Variants in CDH13 observed in about 807,000 individuals in gnomAD.
CDH13 encodes the protein cadherin-13.
CDH13 carries 24 observed loss-of-function variants against 63.8 expected under a neutral mutation model. That is an observed-to-expected ratio of 0.38 (90% CI 0.27 to 0.53). The LOEUF (loss-of-function observed/expected upper bound fraction) is 0.53, where lower values mean the gene tolerates loss of function less well. Among genes scored for constraint, CDH13 ranks in the 20% least tolerant of loss-of-function variants. The pLI, the probability that CDH13 is intolerant of heterozygous loss-of-function variation, is 0.85. For synonymous variants in CDH13, 503 were observed against 355.3 expected (o/e 1.42, Z -4.67); for missense variants, 1,049 against 903.1 (o/e 1.16, Z -2.07).
intron 6 of CDH13, among the ~76,000 whole-genome samples, chr16:83,428,962 C>A (rs547567579): frequency 6.6e-6 from 1 of 152,374 alleles, no homozygotes; most frequent in African/African-American, 2.4e-5. Context: ...TCGGTCATCA[C>A]TTTCCCTGTC....
intron 11 of CDH13, among the ~76,000 whole-genome samples, chr16:83,752,814 C>T (rs1220211340): frequency 6.6e-6 from 1 of 152,190 alleles, no homozygotes; most frequent in East Asian, 1.9e-4. Context: ...TCTAGATTCT[C>T]CATCAAAAGC....
intron 8 of CDH13, among the ~76,000 whole-genome samples, chr16:83,629,446 T>C (rs1034161594): frequency 1.3e-5 from 2 of 152,218 alleles, no homozygotes; most frequent in Non-Finnish European, 2.9e-5. Context: ...CAAATTTTAA[T>C]GCTACTATTA....
chr16:82,749,085 G>A (rs1377702881), intron 1 of CDH13, among the ~76,000 whole-genome samples: 1 of 151,858 alleles, frequency 6.6e-6, no homozygotes, highest in Non-Finnish European at 1.5e-5. Flanking sequence ...TGGAATTGTG[G>A]GGTCCAATTT....
chr16:83,768,678 G>A (rs1326654718), intron 11 of CDH13, among the ~76,000 whole-genome samples: 1 of 152,146 alleles, frequency 6.6e-6, no homozygotes, highest in Non-Finnish European at 1.5e-5. Flanking sequence ...GCTAAACAAA[G>A]GGTGAATTAT....
chr16:83,625,861 G>T (rs954827048), intron 8 of CDH13, among the ~76,000 whole-genome samples: 1 of 152,270 alleles, frequency 6.6e-6, no homozygotes, highest in East Asian at 1.9e-4. Flanking sequence ...TAAGCCACGC[G>T]GTAGCCAGAG....
chr16:82,966,091 G>GT (rs1255320239), intron 2 of CDH13, among the ~76,000 whole-genome samples: 1 of 152,198 alleles, frequency 6.6e-6, no homozygotes, highest in Non-Finnish European at 1.5e-5. Flanking sequence ...TTTCCTCATA[G>GT]TAACTACGTT....
intron 2 of CDH13, among the ~76,000 whole-genome samples, chr16:83,000,992 C>T (rs931984235): frequency 3.3e-5 from 5 of 152,210 alleles, no homozygotes; most frequent in African/African-American, 1.2e-4. Context: ...TTCCAAACCT[C>T]AGCTGATTTT....
At chr16:82,847,409 A>G (rs2039307687) in intron 1 of CDH13, among the ~76,000 whole-genome samples, 1 of 152,196 alleles carries the variant, frequency 6.6e-6, no homozygotes, top group Non-Finnish European at 1.5e-5. Flanking sequence ...GGCCACCCAC[A>G]TTCCTTGACT....
chr16:83,527,154 A>G (rs1052615671), intron 7 of CDH13, among the ~76,000 whole-genome samples: 1 of 151,876 alleles, frequency 6.6e-6, no homozygotes, highest in East Asian at 1.9e-4. Context: ...TGTTTTAATT[A>G]AAGAATAATT....
At chr16:83,648,415 G>C (rs1179417960) in intron 8 of CDH13, among the ~76,000 whole-genome samples, 1 of 152,174 alleles carries the variant, frequency 6.6e-6, no homozygotes, top group African/African-American at 2.4e-5. Flanking sequence ...CTTCATGGTA[G>C]TTAATGCAGA....
intron 11 of CDH13, among the ~76,000 whole-genome samples, chr16:83,752,581 A>T (rs1271181726): frequency 6.6e-6 from 1 of 152,182 alleles, no homozygotes; most frequent in South Asian, 2.1e-4. Context: ...ATAATTTACA[A>T]TGTAGTCAGG....
chr16:83,414,052 C>T (rs1031998799), intron 6 of CDH13, among the ~76,000 whole-genome samples: 2 of 152,150 alleles, frequency 1.3e-5, no homozygotes, highest in Non-Finnish European at 2.9e-5. Context: ...GAAAATTAGA[C>T]AATACTTGAT....
intron 5 of CDH13, among the ~76,000 whole-genome samples, chr16:83,319,902 C>T (rs943334384): frequency 2.0e-5 from 3 of 152,124 alleles, no homozygotes; most frequent in African/African-American, 7.2e-5. Context: ...AAAAGCCCAA[C>T]GTAAATGAAA....
At chr16:83,654,874 A>C (rs1438070651) in intron 8 of CDH13, 1 of 152,216 alleles carries the variant, frequency 6.6e-6, no homozygotes, top group Admixed American at 6.5e-5. Context: ...CAGGTGGCTC[A>C]AAACTGTGGC....
At chr16:82,882,319 A>T (rs2040733027) in intron 2 of CDH13, among the ~76,000 whole-genome samples, 1 of 152,136 alleles carries the variant, frequency 6.6e-6, no homozygotes, top group Non-Finnish European at 1.5e-5. Flanking sequence ...TACTAATGTC[A>T]TCTTCCTTTG....
At chr16:83,711,954 G>A (rs1339200462) in intron 10 of CDH13, among the ~76,000 whole-genome samples, 1 of 152,206 alleles carries the variant, frequency 6.6e-6, no homozygotes, top group Admixed American at 6.5e-5. Flanking sequence ...CTGAGATCAA[G>A]GTGTTGGCAG....
At chr16:82,805,958 G>T (rs767388590) in intron 1 of CDH13, among the ~76,000 whole-genome samples, 4 of 152,184 alleles carry the variant, frequency 2.6e-5, no homozygotes, top group Admixed American at 6.5e-5. Context: ...CTTTAGCAAA[G>T]TCCATTCATT....
At chr16:83,572,808 C>G (rs1161421266) in intron 7 of CDH13, among the ~76,000 whole-genome samples, 1 of 152,172 alleles carries the variant, frequency 6.6e-6, no homozygotes, top group Admixed American at 6.5e-5. Flanking sequence ...TTTCAGTAAT[C>G]ATTTCTGTTT....
chr16:83,288,285 C>T (rs1291248577), intron 5 of CDH13, among the ~76,000 whole-genome samples: 1 of 152,194 alleles, frequency 6.6e-6, no homozygotes, highest in Non-Finnish European at 1.5e-5. Flanking sequence ...CATTGTGTTG[C>T]ACCAGCTTGT....
Sources: gnomAD v4.1 joint callset for allele counts (sites outside exome capture counted in the v4.1 genomes callset) on GRCh38, gnomAD v4.1.1 for gene constraint, MANE v1.5 for transcripts, NCBI Gene and HGNC (gene_info 2026-07-23, HGNC 2026-07-21) for gene names.